SPTA1: variants seen among roughly 807,000 people sequenced by gnomAD.
SPTA1 encodes the protein spectrin alpha chain, erythrocytic 1.
Under a neutral mutation model 324.7 loss-of-function variants are expected in SPTA1, and 177 were observed. That is an observed-to-expected ratio of 0.55 (90% confidence interval 0.48 to 0.62). The LOEUF (loss-of-function observed/expected upper bound fraction) is 0.62, where lower values mean the gene tolerates loss of function less well. Among genes scored for constraint, SPTA1 ranks in the 20% least tolerant of loss-of-function variants. The pLI is 0.00. For synonymous variants in SPTA1, 1,195 were observed against 1,041.3 expected (o/e 1.15, Z -2.84); for missense variants, 3,162 against 2,883.6 (o/e 1.10, Z -2.21).
At chr1:158,669,645 C>A in intron 13 of SPTA1, 64 bp downstream of exon 13, 3 of 1,613,882 alleles carry the variant, frequency 1.9e-6, no homozygotes, top group South Asian at 2.2e-5. Flanking sequence ...GGTCACCATG[C>A]CCACCAAAAC....
At chr1:158,649,669 G>A (rs1332550682) in intron 25 of SPTA1, among the ~76,000 whole-genome samples, 187 bp downstream of exon 25, 2 of 152,218 alleles carry the variant, frequency 1.3e-5, no homozygotes, top group African/African-American at 4.8e-5. Flanking sequence ...GAAAATTGAA[G>A]CTAGTTGTCT....
chr1:158,661,673 G>T (rs1013710375), intron 17 of SPTA1, among the ~76,000 whole-genome samples: 1 of 152,156 alleles, frequency 6.6e-6, no homozygotes, highest in Non-Finnish European at 1.5e-5. Flanking sequence ...AGATAGGTAT[G>T]AAGGCAAGTA....
intron 40 of SPTA1, among the ~76,000 whole-genome samples, chr1:158,627,244 A>G (rs1457665423): frequency 1.3e-5 from 2 of 152,184 alleles, no homozygotes; most frequent in Non-Finnish European, 2.9e-5. Context: ...AATGATTCTC[A>G]AATTTAAAAG....
chr1:158,650,633 A>G (rs571067692), intron 24 of SPTA1, among the ~76,000 whole-genome samples: 63 of 151,772 alleles, frequency 4.2e-4, no homozygotes, highest in Non-Finnish European at 7.7e-4. Context: ...TCTTCCCACT[A>G]TCATAGCTTC....
chr1:158,680,055 TTA>T (rs1020786621), intron 5 of SPTA1, among the ~76,000 whole-genome samples: 1 of 151,860 alleles, frequency 6.6e-6, no homozygotes, highest in South Asian at 2.1e-4. Flanking sequence ...ACATGTAAAC[TTA>T]TATATATATA....
intron 12 of SPTA1, 47 bp from the exon 13 acceptor site, chr1:158,669,833 T>A: frequency 6.3e-7 from 1 of 1,587,664 alleles, no homozygotes; most frequent in Non-Finnish European, 8.6e-7. Context: ...CAGTGACCAC[T>A]GAGTAAGTGG....
chr1:158,613,577 G>C, intron 50 of SPTA1, 144 bp downstream of exon 50: 1 of 1,141,332 alleles, frequency 8.8e-7, no homozygotes, highest in Non-Finnish European at 1.3e-6. Context: ...AGGGCACCAA[G>C]AGCTGCCTAA....
rs1655061308 is a variant in SPTA1 at position 158,684,973 on chromosome 1, A to G, written c.264+135T>C. 2.8e-6 allele frequency: 3 copies of G among 1,064,744 alleles called. No homozygotes were observed. In the South Asian group the frequency reaches 4.1e-5, roughly 15 times the overall value. 66.0% of individuals were successfully genotyped at this position (1,064,744 alleles called of 1,614,324 possible). ...ATTTATTTCTTTAACTTCCCACTCC[A>G]CTGACTTATTTTTGTTTCTAAACGG... On this transcript the variant is annotated intron_variant, in intron 2 of 51. Coordinates refer to ENST00000643759, the MANE Select transcript of SPTA1 (RefSeq NM_003126.4).
chr1:158,652,322 T>A, intron 23 of SPTA1, 145 bp downstream of exon 23: 1 of 899,696 alleles, frequency 1.1e-6, no homozygotes, highest in Non-Finnish European at 1.7e-6. Flanking sequence ...CTACAATACC[T>A]AGAGGGAGAT....
intron 21 of SPTA1, 92 bp from the exon 22 acceptor site, chr1:158,653,517 C>T: frequency 1.3e-6 from 2 of 1,559,286 alleles, no homozygotes; most frequent in Non-Finnish European, 1.7e-6. Flanking sequence ...GGCCCAGGCA[C>T]AGGTTAATGG....
At chr1:158,612,126 C>A (rs1156245687) in intron 51 of SPTA1, 1 of 154,298 alleles carries the variant, frequency 6.5e-6, no homozygotes, top group East Asian at 1.9e-4. Flanking sequence ...CTTTCACTTT[C>A]TGTTACTATC....
chr1:158,676,155 C>A lies in SPTA1; in HGVS notation c.1098G>T (p.Leu366=). Residue 366 remains leucine (L), a synonymous_variant, in exon 8 of 52, where the codon CTG becomes CTT. Transcript: ENST00000643759. Reference sequence around the variant, plus strand: ...GGATTTCCCACCAATAAGTAGCCTGCAGTTTTTCATATCTGCTGGTGGCCA... The same window carrying A: ...GGATTTCCCACCAATAAGTAGCCTGAAGTTTTTCATATCTGCTGGTGGCCA... ...RALATSRYEK[L]QATYWYHRFS... is the part of the protein sequence containing the mutation. 1 of 1,613,606 alleles carries A rather than the reference C, an allele frequency of 6.2e-7. No individual in the cohort carries two copies. The highest frequency in any genetic ancestry group is 1.3e-5 in the African/African-American group (1 of 74,996).
chr1:158,613,795 G>A lies in SPTA1; in HGVS notation c.6915C>T (p.Tyr2305=), dbSNP rs1249380102. ...CATCCTCCTCCACCATGGGCAAGTAGTAATTGAGTCCTCTCAGGCAGGACC... is the reference window on the plus strand; with the variant it reads ...CATCCTCCTCCACCATGGGCAAGTAATAATTGAGTCCTCTCAGGCAGGACC... ...EFRSCLRGLN[Y]YLPMVEEDEH... The change falls in exon 50 of 52, where the codon TAC becomes TAT. Residue 2305 remains tyrosine, a synonymous_variant. Coordinates refer to ENST00000643759, the MANE Select transcript of SPTA1 (RefSeq NM_003126.4). 1.2e-6 allele frequency: 2 copies of A among 1,613,866 alleles called. No homozygotes were observed. Among genetic ancestry groups the A allele is most frequent in the South Asian group, 2.2e-5 (2 of 91,066 alleles).
intron 29 of SPTA1, among the ~76,000 whole-genome samples, 158 bp downstream of exon 29, chr1:158,645,030 T>C (rs1651887110): frequency 6.6e-6 from 1 of 152,118 alleles, no homozygotes; most frequent in Non-Finnish European, 1.5e-5. Context: ...CAATGATCGG[T>C]ATAGAAAGCA....
Position 158,653,393 on chromosome 1 carries a change from C to T in SPTA1, c.3069G>A (p.Gln1023=). ...TGACATAGACAGCTGGGACAATGCCCTGATGATCAGCAGCTTCCACCTTCC... is the reference window on the plus strand; with the variant it reads ...TGACATAGACAGCTGGGACAATGCCTTGATGATCAGCAGCTTCCACCTTCC... ...DWWKVEAADH[Q]GIVPAVYVRR... The change falls in exon 22 of 52, where the codon CAG becomes CAA. Residue 1023 remains glutamine (Q), a synonymous_variant. Coordinates refer to ENST00000643759, the MANE Select transcript of SPTA1 (RefSeq NM_003126.4). The T allele has an allele frequency of 6.2e-7, 1 of 1,614,064 alleles. No homozygotes were observed.
chr1:158,664,023 C>T (rs573314132), intron 16 of SPTA1, among the ~76,000 whole-genome samples: 2 of 146,638 alleles, frequency 1.4e-5, no homozygotes, highest in African/African-American at 5.4e-5. Flanking sequence ...CTTCTTAAAG[C>T]ACATACTCAC....
In SPTA1 at chr1:158,626,943, G is replaced by T. The variant is rs1255605333; in HGVS notation, c.5729C>A (p.Thr1910Asn). The change falls in exon 41 of 52, where the codon ACC (threonine) becomes AAC (asparagine). Residue 1910 changes from threonine to asparagine, a missense_variant. By Grantham distance (65) the Thr-to-Asn change is moderately conservative (BLOSUM62 0). Coordinates refer to ENST00000643759, the MANE Select transcript of SPTA1 (RefSeq NM_003126.4). ...SSKIEALNEKTPSLAKAIAAW... is the reference protein window; with the variant it reads ...SSKIEALNEKNPSLAKAIAAW... ...AGCTATTGCCTTAGCCAGAGAAGGG[G>T]TCTTTTCATTCAGAGCCTCTATCTT... 4 of 1,613,934 alleles carry T rather than the reference G, an allele frequency of 2.5e-6. No individual in the cohort carries two copies. In the South Asian group the frequency reaches 3.3e-5, roughly 13 times the overall value.
rs114476363 is a variant in SPTA1 at position 158,653,543 on chromosome 1, C to G, written c.3037-118G>C. On this transcript the variant is annotated intron_variant, in intron 21 of 51. Coordinates refer to ENST00000643759, the MANE Select transcript of SPTA1 (RefSeq NM_003126.4). Reference sequence around the variant, plus strand: ...AGGTTAATGGCAAAGATAAGCTAACCATGTCTAATGAGTGGCACATAATTT... The same window carrying G: ...AGGTTAATGGCAAAGATAAGCTAACGATGTCTAATGAGTGGCACATAATTT... The G allele has an allele frequency of 3.9e-3, 5,240 of 1,352,470 alleles. 151 individuals carry two copies. In the African/African-American group the frequency reaches 0.065, roughly 17 times the overall value. 83.8% of individuals were successfully genotyped at this position (1,352,470 alleles called of 1,614,324 possible). A position where few individuals can be genotyped will look rare whatever the true frequency, so the allele number is the denominator to read the frequency against.
Position 158,644,239 on chromosome 1 carries a change from C to A in SPTA1, c.4338+14G>T. ...ACGGATTATTATTTTAATTCCTTTA[C>A]TAGTCATTATTACCTGGGCAGTGAT... On this transcript the variant is annotated intron_variant, in intron 30 of 51. Transcript: ENST00000643759. The A allele has an allele frequency of 6.2e-7, 1 of 1,613,236 alleles. No homozygotes were observed. The highest frequency in any genetic ancestry group is 1.1e-5 in the South Asian group (1 of 91,050).
Sources: gnomAD v4.1 joint callset for allele counts (sites outside exome capture counted in the v4.1 genomes callset) on GRCh38, gnomAD v4.1.1 for gene constraint, MANE v1.5 for transcripts, NCBI Gene and HGNC (gene_info 2026-07-23, HGNC 2026-07-21) for gene names.